SHISAL1: variants seen among roughly 807,000 people sequenced by gnomAD.
The protein encoded by SHISAL1 is shisa like 1, also known as protein shisa-like-1.
SHISAL1 carries 9 observed loss-of-function variants against 22.6 expected under a neutral mutation model. That is an observed-to-expected ratio of 0.40 (90% CI 0.24 to 0.70). SHISAL1 has a LOEUF of 0.70. Among genes scored for constraint, SHISAL1 ranks in the 30% least tolerant of loss-of-function variants. The pLI is 0.39. For synonymous variants in SHISAL1, 119 were observed against 115.4 expected (o/e 1.03, Z -0.20); for missense variants, 246 against 270.6 (o/e 0.91, Z 0.64).
intron 3 of SHISAL1, among the ~76,000 whole-genome samples, chr22:44,290,132 T>C (rs936550317): frequency 1.5e-4 from 23 of 152,124 alleles, no homozygotes; most frequent in Non-Finnish European, 1.6e-4. Context: ...GCAGTCACAT[T>C]TGAGGGTGGA....
intron 4 of SHISAL1, among the ~76,000 whole-genome samples, chr22:44,260,603 T>C (rs1274963699): frequency 6.6e-6 from 1 of 152,204 alleles, no homozygotes; most frequent in African/African-American, 2.4e-5. Flanking sequence ...AGCTCACTCC[T>C]TTACAAGCCA....
At chr22:44,317,112 C>T (rs2147317020), upstream of SHISAL1, among the ~76,000 whole-genome samples, 1 of 152,324 alleles carries the variant, frequency 6.6e-6, no homozygotes, top group Non-Finnish European at 1.5e-5. Flanking sequence ...GCTGGAGGGC[C>T]CCTGTCCATC....
In SHISAL1 at chr22:44,310,796, C is replaced by T. The variant is rs542320311; in HGVS notation, c.-33+1955G>A. 4.6e-5 allele frequency among the ~76,000 whole-genome samples: 7 copies of T among 152,164 alleles called. No individual in the cohort carries two copies. Among genetic ancestry groups the T allele is most frequent in the East Asian group, 3.9e-4 (2 of 5,162 alleles). ...GCTTTGCTTGTTCCTTTAGTTGGCACGGATTTCCCTCTGCCTTACCTGTTG... is the reference window on the plus strand; with the variant it reads ...GCTTTGCTTGTTCCTTTAGTTGGCATGGATTTCCCTCTGCCTTACCTGTTG... On this transcript the variant is annotated intron_variant, in intron 1 of 4. Transcript: ENST00000381176. The surrounding 1 kb of genome is among the most constrained non-coding windows in gnomAD (Gnocchi z 4.0).
At chr22:44,318,722 C>T in the SHISAL1 span, among the ~76,000 whole-genome samples, 21 of 152,366 alleles carry the variant, frequency 1.4e-4, no homozygotes, top group Admixed American at 1.0e-3. Flanking sequence ...TCATCCTCTC[C>T]GGAGGCTCGC....
intron 4 of SHISAL1, among the ~76,000 whole-genome samples, chr22:44,250,220 A>T (rs2055038021): frequency 6.6e-6 from 1 of 152,230 alleles, no homozygotes; most frequent in Admixed American, 6.5e-5. Flanking sequence ...TGGCTGATAA[A>T]TTATATGGTC....
At chr22:44,319,660 C>T in the SHISAL1 span, among the ~76,000 whole-genome samples, 18 of 152,254 alleles carry the variant, frequency 1.2e-4, no homozygotes, top group African/African-American at 3.9e-4. Context: ...GAGGGAACTG[C>T]TCCCTTCGGG....
intron 3 of SHISAL1, 97 bp downstream of exon 3, chr22:44,296,575 G>A: frequency 9.5e-7 from 1 of 1,054,372 alleles, no homozygotes; most frequent in South Asian, 1.4e-5. Flanking sequence ...CCTTATAGCG[G>A]TTACCCAACC....
rs569871535 is a variant in SHISAL1, at chr22:44,255,608, G to A, written c.*-5923C>T. On this transcript the variant is annotated intron_variant, in intron 4 of 4. Coordinates refer to ENST00000381176, the MANE Select transcript of SHISAL1 (RefSeq NM_001099294.2). Reference sequence around the variant, plus strand: ...TGTGGTCCAGGCTGGCAGGATTCTTGCAGTGGTGTCTGCGCTGGTCAGCGC... The same window carrying A: ...TGTGGTCCAGGCTGGCAGGATTCTTACAGTGGTGTCTGCGCTGGTCAGCGC... Among the ~76,000 whole-genome samples the A allele has an allele frequency of 2.7e-3, 416 of 152,312 alleles. 3 individuals carry two copies. The highest frequency in any genetic ancestry group is 9.7e-3 in the African/African-American group (404 of 41,564).
intron 4 of SHISAL1, among the ~76,000 whole-genome samples, chr22:44,255,615 TGTCTGCGCTG>T (rs1281027035): frequency 1.3e-5 from 2 of 152,242 alleles, no homozygotes; most frequent in African/African-American, 2.4e-5. Context: ...CTTGCAGTGG[TGTCTGCGCTG>T]GTCAGCGCTG....
At chr22:44,294,024 C>A (rs1430170771) in intron 3 of SHISAL1, among the ~76,000 whole-genome samples, 1 of 152,206 alleles carries the variant, frequency 6.6e-6, no homozygotes, top group African/African-American at 2.4e-5. Flanking sequence ...AGTCACCAGA[C>A]CTTGGAGAAG....
At chr22:44,306,641 G>A (rs1238412947) in intron 1 of SHISAL1, among the ~76,000 whole-genome samples, 2 of 135,616 alleles carry the variant, frequency 1.5e-5, no homozygotes, top group Non-Finnish European at 1.6e-5. Flanking sequence ...GATGGCGTGT[G>A]TGGAGGGGAC....
intron 4 of SHISAL1, among the ~76,000 whole-genome samples, chr22:44,252,242 T>C (rs1024095035): frequency 2.0e-4 from 30 of 151,966 alleles, no homozygotes; most frequent in African/African-American, 6.8e-4. Context: ...AAGTTTAAAA[T>C]TAGAGGCATC....
At chr22:44,299,131 G>A (rs2055408273) in intron 2 of SHISAL1, among the ~76,000 whole-genome samples, 1 of 152,174 alleles carries the variant, frequency 6.6e-6, no homozygotes, top group South Asian at 2.1e-4. Flanking sequence ...GGGGCCCTAC[G>A]AGCACTAGAG....
upstream of SHISAL1, among the ~76,000 whole-genome samples, chr22:44,313,616 T>A (rs539694284): frequency 2.6e-5 from 4 of 152,304 alleles, no homozygotes; most frequent in Non-Finnish European, 5.9e-5. Context: ...TCCATGACTG[T>A]CTGGACACAG....
intron 1 of SHISAL1, among the ~76,000 whole-genome samples, chr22:44,305,713 C>T (rs557591970): frequency 6.6e-6 from 1 of 152,366 alleles, no homozygotes; most frequent in East Asian, 1.9e-4. Context: ...GTCCCACGTC[C>T]AGCCTGGGCT....
At chr22:44,292,719 G>A (rs544381642) in intron 3 of SHISAL1, among the ~76,000 whole-genome samples, 50 of 152,166 alleles carry the variant, frequency 3.3e-4, no homozygotes, top group South Asian at 4.1e-4. Flanking sequence ...GTCGTCTGCC[G>A]CTGGGCCAGC....
At chr22:44,250,403 G>T (rs1233077991) in intron 4 of SHISAL1, among the ~76,000 whole-genome samples, 1 of 152,210 alleles carries the variant, frequency 6.6e-6, no homozygotes. Flanking sequence ...AGTGGAACAA[G>T]ATCTACAGTG....
rs561697254 is a variant in SHISAL1, at chr22:44,289,611, G to T, written c.282-3866C>A. ...GGAAGGGAGGGGCCTGCCTGCCGGG[G>T]GGTGTTGCCTTTGCTGATTCGCCCT... On this transcript the variant is annotated intron_variant, in intron 3 of 4. Coordinates refer to ENST00000381176, the MANE Select transcript of SHISAL1 (RefSeq NM_001099294.2). Among the ~76,000 whole-genome samples, 409 of 152,318 alleles carry T rather than the reference G, an allele frequency of 2.7e-3. 3 individuals carry two copies. The highest frequency in any genetic ancestry group is 9.4e-3 in the African/African-American group (391 of 41,560).
At chr22:44,261,780 C>G (rs1392394952) in intron 4 of SHISAL1, among the ~76,000 whole-genome samples, 3 of 152,270 alleles carry the variant, frequency 2.0e-5, no homozygotes, top group East Asian at 1.9e-4. Context: ...TGTGTGGCCA[C>G]TGACTCCTGC....
Sources: allele counts gnomAD v4.1 joint callset (sites outside exome capture counted in the v4.1 genomes callset), GRCh38; gene constraint gnomAD v4.1.1; non-coding constraint Gnocchi (gnomAD v3.1); transcripts MANE v1.5; gene names NCBI Gene and HGNC (gene_info 2026-07-23, HGNC 2026-07-21).